Variants in DLGAP2 observed in about 807,000 individuals in gnomAD.
DLGAP2 encodes DLG associated protein 2.
In DLGAP2, 26 loss-of-function variants were observed where a neutral mutation model predicts 100.3. That is an observed-to-expected ratio of 0.26 (90% CI 0.19 to 0.36). The LOEUF (loss-of-function observed/expected upper bound fraction) is 0.36, where lower values mean the gene tolerates loss of function less well. Ranked by LOEUF, DLGAP2 falls within the 10% of genes least tolerant of loss-of-function variation. DLGAP2 has a pLI of 1.00. For missense variants in DLGAP2, 1,858 were observed against 1,453.2 expected, an observed-to-expected ratio of 1.28 and a Z score of -4.53; for synonymous variants, 886 against 630.1, an observed-to-expected ratio of 1.41 and a Z score of -6.08.
chr8:1,333,235 A>G (rs1399678215), intron 3 of DLGAP2, among the ~76,000 whole-genome samples: 3 of 151,946 alleles, frequency 2.0e-5, no homozygotes, highest in Non-Finnish European at 4.4e-5. Flanking sequence ...ACCCACTGCT[A>G]CCCTGGCCAG....
chr8:1,048,353 A>G (rs1423478970), intron 2 of DLGAP2, among the ~76,000 whole-genome samples: 1 of 152,038 alleles, frequency 6.6e-6, no homozygotes, highest in Non-Finnish European at 1.5e-5. Flanking sequence ...GTTCCATCTG[A>G]CTTCAAAGCC....
chr8:998,844 T>A (rs1459996330), intron 2 of DLGAP2, among the ~76,000 whole-genome samples: 1 of 152,180 alleles, frequency 6.6e-6, no homozygotes, highest in Non-Finnish European at 1.5e-5. Context: ...GTGTATATTT[T>A]GGGGGAACTG....
chr8:1,038,101 A>G (rs1802188360), intron 2 of DLGAP2, among the ~76,000 whole-genome samples: 1 of 152,058 alleles, frequency 6.6e-6, no homozygotes, highest in Admixed American at 6.5e-5. Flanking sequence ...TGTGTGTGTT[A>G]AGTGTGTGTG....
chr8:1,181,449 T>C (rs1224022052), intron 2 of DLGAP2, among the ~76,000 whole-genome samples: 1 of 152,124 alleles, frequency 6.6e-6, no homozygotes, highest in African/African-American at 2.4e-5. Flanking sequence ...CTCATTCTTT[T>C]TAGTGGCTGC....
At chr8:1,700,888 G>A (rs892698920) in intron 14 of DLGAP2, among the ~76,000 whole-genome samples, 2 of 152,266 alleles carry the variant, frequency 1.3e-5, no homozygotes, top group Non-Finnish European at 2.9e-5. Context: ...CTAGCGCAGT[G>A]ACTGCAGAGA....
At chr8:1,581,996 A>G (rs959034684) in intron 6 of DLGAP2, among the ~76,000 whole-genome samples, 18 of 151,856 alleles carry the variant, frequency 1.2e-4, no homozygotes, top group African/African-American at 4.1e-4. Context: ...CCACAGTCAA[A>G]CTACCAGAAG....
chr8:1,647,584 T>G (rs1798071217), intron 8 of DLGAP2, among the ~76,000 whole-genome samples: 1 of 150,256 alleles, frequency 6.7e-6, no homozygotes, highest in Non-Finnish European at 1.5e-5. Context: ...CCTTCCATTA[T>G]GAATGCAGAC....
At chr8:1,675,295 C>G (rs559393376) in intron 10 of DLGAP2, among the ~76,000 whole-genome samples, 9 of 152,372 alleles carry the variant, frequency 5.9e-5, no homozygotes, top group Admixed American at 1.3e-4. Flanking sequence ...GGCAAGAGCC[C>G]TAGCCCTGAC....
intron 3 of DLGAP2, among the ~76,000 whole-genome samples, chr8:1,312,868 A>G (rs1285242237): frequency 6.6e-6 from 1 of 152,228 alleles, no homozygotes; most frequent in African/African-American, 2.4e-5. Context: ...GTAGGAAAAC[A>G]GCCACTTCAC....
chr8:1,571,687 T>C, intron 6 of DLGAP2, among the ~76,000 whole-genome samples: 2 of 130,158 alleles, frequency 1.5e-5, no homozygotes, highest in Non-Finnish European at 3.2e-5. Context: ...TGGGGGCATC[T>C]TCTGGGATGG....
rs745785966 is a variant in DLGAP2 at position 1,698,130 on chromosome 8, C to A, written c.2949+831C>A. Among the ~76,000 whole-genome samples the A allele has an allele frequency of 1.2e-4, 18 of 152,222 alleles. 1 individual carries two copies. The highest frequency in any genetic ancestry group is 2.2e-4 in the Non-Finnish European group (15 of 68,040). The stretch of plus-strand genomic sequence containing the variant: ...GATCTAGTGGTCATCATCATCGGCT[C>A]CTCCCAGAAGGTGCCCTGGCCACTA... On this transcript the variant is annotated intron_variant, in intron 14 of 14. Transcript: ENST00000637795.
In DLGAP2 at chr8:773,503, C is replaced by A. The variant is rs1371801058; in HGVS notation, c.18+35678C>A. On this transcript the variant is annotated intron_variant, in intron 1 of 14. Transcript: ENST00000637795. The stretch of plus-strand genomic sequence containing the variant: ...CCAGTGCTATCCCTCCCCCCTCCCC[C>A]CACTCCACAACAGTCCCCAGAGTGT... Among the ~76,000 whole-genome samples the A allele has an allele frequency of 8.2e-5, 12 of 145,664 alleles. No individual in the cohort carries two copies. The South Asian group carries it at 2.9e-3, about 35-fold the overall frequency.
At chr8:872,658 G>C (rs1797620449) in intron 1 of DLGAP2, among the ~76,000 whole-genome samples, 1 of 152,102 alleles carries the variant, frequency 6.6e-6, no homozygotes, top group South Asian at 2.1e-4. Flanking sequence ...CAGTTTTATT[G>C]AGATATAATT....
intron 1 of DLGAP2, among the ~76,000 whole-genome samples, chr8:884,093 A>ATT (rs1797874402): frequency 6.6e-6 from 1 of 152,244 alleles, no homozygotes; most frequent in Non-Finnish European, 1.5e-5. Flanking sequence ...TAGTGCTGCA[A>ATT]TAAACATACA....
intron 1 of DLGAP2, among the ~76,000 whole-genome samples, chr8:879,263 C>T (rs1233858698): frequency 1.3e-5 from 2 of 152,186 alleles, no homozygotes; most frequent in Non-Finnish European, 2.9e-5. Context: ...AAGAATTATT[C>T]ACTCTCTGGG....
intron 3 of DLGAP2, among the ~76,000 whole-genome samples, chr8:1,436,268 A>T (rs1248183779): frequency 6.6e-6 from 1 of 152,184 alleles, no homozygotes; most frequent in Non-Finnish European, 1.5e-5. Flanking sequence ...GCCCCGGGCA[A>T]ACCACTGGTG....
chr8:1,520,460 G>T (rs969579796), intron 4 of DLGAP2, among the ~76,000 whole-genome samples: 1 of 152,164 alleles, frequency 6.6e-6, no homozygotes, highest in African/African-American at 2.4e-5. Context: ...CATCCTTCAC[G>T]TCAGGGGTCA....
chr8:1,303,511 A>C (rs1211745098), intron 3 of DLGAP2, among the ~76,000 whole-genome samples: 2 of 152,036 alleles, frequency 1.3e-5, no homozygotes, highest in African/African-American at 4.8e-5. Flanking sequence ...TCAGCTTCGC[A>C]GACCCTGCTG....
intron 2 of DLGAP2, among the ~76,000 whole-genome samples, chr8:967,781 A>G (rs371322438): frequency 0.015 from 846 of 57,408 alleles, 70 homozygotes; most frequent in African/African-American, 0.053. Context: ...ATATATATGT[A>G]TATATATATA....
Sources: gnomAD v4.1 joint callset for allele counts (sites outside exome capture counted in the v4.1 genomes callset) on GRCh38, gnomAD v4.1.1 for gene constraint, MANE v1.5 for transcripts, NCBI Gene and HGNC (gene_info 2026-07-23, HGNC 2026-07-21) for gene names.